DNAH11: variants seen among roughly 807,000 people sequenced by gnomAD.
DNAH11 encodes dynein axonemal heavy chain 11.
In DNAH11, 442 loss-of-function variants were observed where a neutral mutation model predicts 526.0. The ratio of observed to expected loss-of-function variants is 0.84; its 90% CI spans 0.78 to 0.91. The LOEUF (loss-of-function observed/expected upper bound fraction) is 0.91. Ranked by LOEUF, DNAH11 falls within the 40% of genes least tolerant of loss-of-function variation. The pLI is 0.00. For synonymous variants in DNAH11, 2,461 were observed against 1,935.9 expected, an observed-to-expected ratio of 1.27 and a Z score of -7.12; for missense variants, 6,989 against 5,448.7, an observed-to-expected ratio of 1.28 and a Z score of -8.90.
At chr7:21,672,668 T>C (rs141162405) in intron 30 of DNAH11, among the ~76,000 whole-genome samples, 1 of 152,348 alleles carries the variant, frequency 6.6e-6, no homozygotes, top group Non-Finnish European at 1.5e-5. Context: ...TTGGGAGATA[T>C]GCCATGGCTG....
chr7:21,726,860 CAAAAAAAAAAAAA>C (rs1166791175), intron 45 of DNAH11, among the ~76,000 whole-genome samples: 3 of 13,808 alleles, frequency 2.2e-4, no homozygotes, highest in African/African-American at 3.9e-4. Flanking sequence ...GACTCTGTCT[CAAAAAAAAAAAAA>C]AAAAAAAAAA....
chr7:21,593,979 TCACA>T (rs1228184502), intron 14 of DNAH11, among the ~76,000 whole-genome samples: 1 of 150,440 alleles, frequency 6.6e-6, no homozygotes, highest in African/African-American at 2.4e-5. Context: ...TCACATACTC[TCACA>T]CACAGTCTCT....
chr7:21,746,746 CTG>C (rs1392060991), intron 51 of DNAH11, among the ~76,000 whole-genome samples: 2 of 152,162 alleles, frequency 1.3e-5, no homozygotes, highest in African/African-American at 4.8e-5. Flanking sequence ...CCACAACTAA[CTG>C]TTGGTAGTTT....
rs577499972 is a variant in DNAH11 at position 21,896,979 on chromosome 7, G to T, written c.13049+1980G>T. On this transcript the variant is annotated intron_variant, in intron 79 of 81. Transcript: ENST00000409508. ...AGTCCTAGCTACTCAAGGTGTAGAGGTGGTAGGATTGCTTGAGCCCAAGAG... is the reference window on the plus strand; with the variant it reads ...AGTCCTAGCTACTCAAGGTGTAGAGTTGGTAGGATTGCTTGAGCCCAAGAG... Among the ~76,000 whole-genome samples the T allele has an allele frequency of 2.6e-5, 4 of 152,226 alleles. No homozygotes were observed. The East Asian group carries it at 7.7e-4, about 29-fold the overall frequency.
intron 62 of DNAH11, among the ~76,000 whole-genome samples, chr7:21,804,082 TTTTTG>T (rs10549465): frequency 0.39 from 57,816 of 147,322 alleles, 13,493 homozygotes; most frequent in Non-Finnish European, 0.52. Context: ...GTAGTAGTTT[TTTTTG>T]TTTTGTTTTG....
At chr7:21,581,814 A>C (rs1345485101) in intron 8 of DNAH11, 91 bp from the exon 9 acceptor site, 14 of 762,048 alleles carry the variant, frequency 1.8e-5, no homozygotes, top group South Asian at 6.7e-5. Context: ...AGCGAGCGAG[A>C]GAGAGCTAAA....
intron 22 of DNAH11, among the ~76,000 whole-genome samples, chr7:21,616,564 G>A (rs1785793046): frequency 6.6e-6 from 1 of 152,082 alleles, no homozygotes; most frequent in Non-Finnish European, 1.5e-5. Flanking sequence ...AGAACAGAGA[G>A]GAACATTATC....
At chr7:21,772,112 G>A (rs1490500912) in intron 55 of DNAH11, among the ~76,000 whole-genome samples, 1 of 152,148 alleles carries the variant, frequency 6.6e-6, no homozygotes, top group Non-Finnish European at 1.5e-5. Context: ...ACAACCAGCT[G>A]CTCCCTGGCT....
chr7:21,604,744 G>C (rs895790140), intron 18 of DNAH11, among the ~76,000 whole-genome samples: 2 of 152,178 alleles, frequency 1.3e-5, no homozygotes, highest in Non-Finnish European at 2.9e-5. Context: ...TGTTGTGTTT[G>C]AAGAGGGATA....
chr7:21,797,853 T>C (rs938214225), intron 61 of DNAH11, among the ~76,000 whole-genome samples: 1 of 152,252 alleles, frequency 6.6e-6, no homozygotes, highest in African/African-American at 2.4e-5. Flanking sequence ...AGTGAATTTG[T>C]ATCCCATTTG....
intron 2 of DNAH11, among the ~76,000 whole-genome samples, chr7:21,555,546 A>G (rs1039595507): frequency 6.6e-6 from 1 of 152,228 alleles, no homozygotes; most frequent in African/African-American, 2.4e-5. Context: ...ATGGGAGAAC[A>G]GAACTATGGA....
Position 21,880,732 on chromosome 7 carries a change from G to A in DNAH11, c.12226G>A (p.Glu4076Lys). The change falls in exon 75 of 82, where the codon GAG becomes AAG. Residue 4076 changes from glutamate to lysine, a missense_variant. Transcript: ENST00000409508. ...DTLEICSKEQ[E>K]FKSILFSLCY... ...ACTTGAAATATGCTCCAAGGAGCAGGAGTTTAAAAGCATCCTTTTTTCTCT... is the reference window on the plus strand; with the variant it reads ...ACTTGAAATATGCTCCAAGGAGCAGAAGTTTAAAAGCATCCTTTTTTCTCT... 6.2e-7 allele frequency: 1 copy of A among 1,613,954 alleles called. No homozygotes were observed. The highest frequency in any genetic ancestry group is 8.5e-7 in the Non-Finnish European group (1 of 1,179,894).
chr7:21,750,108 C>T, intron 53 of DNAH11, 114 bp from the exon 54 acceptor site: 2 of 1,337,830 alleles, frequency 1.5e-6, no homozygotes, highest in Non-Finnish European at 2.0e-6. Context: ...TGATTTTAAA[C>T]TCTTACCATT....
At chr7:21,627,906 G>A (rs548484085) in intron 25 of DNAH11, among the ~76,000 whole-genome samples, 28 of 152,110 alleles carry the variant, frequency 1.8e-4, no homozygotes, top group Admixed American at 5.9e-4. Context: ...ATCCATGAGC[G>A]TGGAATATCT....
chr7:21,856,662 C>A (rs1782861890), intron 68 of DNAH11, among the ~76,000 whole-genome samples: 1 of 151,934 alleles, frequency 6.6e-6, no homozygotes, highest in African/African-American at 2.4e-5. Flanking sequence ...TGCCAAGAAT[C>A]AAATTGGTTT....
chr7:21,787,593 C>G lies in DNAH11; in HGVS notation c.9924+10C>G. 1 of 1,594,632 alleles carries G rather than the reference C, an allele frequency of 6.3e-7. No homozygotes were observed. The highest frequency in any genetic ancestry group is 8.5e-7 in the Non-Finnish European group (1 of 1,169,658). ...CATTAAATTCTATGAGGTATCAATC[C>G]TAAATTGATTGTTTACAGATGTTCT... is the stretch of plus-strand genomic sequence containing the variant. On this transcript the variant is annotated intron_variant, in intron 60 of 81. Coordinates refer to ENST00000409508, the MANE Select transcript of DNAH11 (RefSeq NM_001277115.2).
At chr7:21,868,140 G>A in intron 72 of DNAH11, 133 bp downstream of exon 72, 1 of 836,570 alleles carries the variant, frequency 1.2e-6, no homozygotes, top group Non-Finnish European at 1.7e-6. Context: ...AAGATTGGGT[G>A]TATGGAAAAT....
Position 21,880,760 on chromosome 7 carries a change from G to T in DNAH11, c.12254G>T (p.Cys4085Phe), listed in dbSNP as rs1783891057. ...QEFKSILFSL[C>F]YFHACVAGRL... ...TTTAAAAGCATCCTTTTTTCTCTCT[G>T]CTACTTCCACGCCTGTGTTGCTGGG... The change falls in exon 75 of 82, where the codon TGC (cysteine) becomes TTC (phenylalanine). Residue 4085 changes from cysteine to phenylalanine, a missense_variant. Coordinates refer to ENST00000409508, the MANE Select transcript of DNAH11 (RefSeq NM_001277115.2). The T allele has an allele frequency of 6.2e-7, 1 of 1,613,780 alleles. No individual in the cohort carries two copies.
chr7:21,768,723 C>T (rs1787292633), intron 55 of DNAH11, among the ~76,000 whole-genome samples: 1 of 152,218 alleles, frequency 6.6e-6, no homozygotes, highest in South Asian at 2.1e-4. Flanking sequence ...TTTTCCACAA[C>T]TGATGGCGAG....
Sources: allele counts gnomAD v4.1 joint callset (sites outside exome capture counted in the v4.1 genomes callset), GRCh38; gene constraint gnomAD v4.1.1; transcripts MANE v1.5; gene names NCBI Gene and HGNC (gene_info 2026-07-23, HGNC 2026-07-21).